Variants in APLP1 observed in about 807,000 individuals in gnomAD.
The protein encoded by APLP1 is amyloid beta precursor like protein 1, also known as amyloid beta (A4) precursor-like protein 1.
A neutral mutation model predicts 84.5 loss-of-function variants in APLP1; 46 were observed. That is an observed-to-expected ratio of 0.54 (90% CI 0.43 to 0.70). APLP1 has a LOEUF of 0.70. Ranked by LOEUF, APLP1 falls within the 30% of genes least tolerant of loss-of-function variation. The probability of loss-of-function intolerance (pLI) is 0.00; values close to 1 mark genes in which losing one functional copy is unlikely to be tolerated. For missense variants in APLP1, 826 were observed against 900.2 expected (o/e 0.92, Z 1.05); for synonymous variants, 376 against 364.0 (o/e 1.03, Z -0.38).
rs752685508 is a variant in APLP1 at position 35,874,583 on chromosome 19, G to A, written c.1136G>A (p.Arg379His). The A allele has an allele frequency of 9.3e-6, 15 of 1,614,168 alleles. No individual in the cohort carries two copies. The highest frequency in any genetic ancestry group is 1.2e-5 in the Non-Finnish European group (14 of 1,180,050). Residue 379 changes from arginine to histidine, a missense_variant, in exon 9 of 17, where the codon CGC becomes CAC. Arg to His is a conservative substitution (Grantham distance 29). This residue lies in a region of APLP1 where 433 missense variants were observed against 496.5 expected (regional missense o/e 0.87). Coordinates refer to ENST00000221891, the MANE Select transcript of APLP1 (RefSeq NM_001024807.3). The surrounding 1 kb of genome is among the most constrained non-coding windows in gnomAD (Gnocchi z 6.4). ...CGCCTGGTGGAAACCCACGCCACCC[G>A]CGTCATCGCCCTTATCAACGACCAG... is the stretch of plus-strand genomic sequence containing the variant. ...RQRLVETHAT[R>H]VIALINDQRR...
chr19:35,871,377 G>A (rs1974142397), intron 4 of APLP1, 28 bp downstream of exon 4: 2 of 1,556,362 alleles, frequency 1.3e-6, no homozygotes, highest in Admixed American at 1.8e-5. Flanking sequence ...CCCGTCCCCA[G>A]CCCCCACAAC....
At chr19:35,878,548 GAAAAA>G in intron 13 of APLP1, 31 bp from the exon 14 acceptor site, 1 of 1,226,962 alleles carries the variant, frequency 8.2e-7, no homozygotes. Flanking sequence ...TCTGTCTAAA[GAAAAA>G]AAAAAAGAAT....
Position 35,868,684 on chromosome 19 carries a change from C to T in APLP1, c.48C>T (p.Gly16=). 1.4e-6 allele frequency: 2 copies of T among 1,408,488 alleles called. No homozygotes were observed. Among genetic ancestry groups the T allele is most frequent in the East Asian group, 3.1e-5 (1 of 32,580 alleles). The allele number at this position is 1,408,488 out of a possible 1,614,324, so 87.2% of individuals were successfully genotyped here. Reference sequence around the variant, plus strand: ...CTCGCGGTCTAAGTCGCCGCCCGGGCCAGCCGCCGCTGCCGCTGCTGCTGC... The same window carrying T: ...CTCGCGGTCTAAGTCGCCGCCCGGGTCAGCCGCCGCTGCCGCTGCTGCTGC... The part of the protein sequence containing the change: ...PAARGLSRRP[G]QPPLPLLLPL... Residue 16 remains glycine (G), a synonymous_variant, in exon 1 of 17, where the codon GGC becomes GGT. Transcript: ENST00000221891. This position sits in a 1 kb window ranked among gnomAD's most constrained non-coding sequence, Gnocchi z 5.2.
In APLP1 at chr19:35,874,367, C is replaced by A; in HGVS notation, c.1057-137C>A. 9.3e-7 allele frequency: 1 copy of A among 1,075,930 alleles called. No individual in the cohort carries two copies. The allele number at this position is 1,075,930 out of a possible 1,614,324, so 66.6% of individuals were successfully genotyped here. On this transcript the variant is annotated intron_variant, in intron 8 of 16. Transcript: ENST00000221891. This position sits in a 1 kb window ranked among gnomAD's most constrained non-coding sequence, Gnocchi z 6.4. Reference sequence around the variant, plus strand: ...GCCCTGTAGCCCACCCCTTCCAGTCCATAACCTTTGGTTCTGCCCAGGCCT... The same window carrying A: ...GCCCTGTAGCCCACCCCTTCCAGTCAATAACCTTTGGTTCTGCCCAGGCCT...
intron 1 of APLP1, 28 bp from the exon 2 acceptor site, chr19:35,869,639 C>G (rs375866755): frequency 2.9e-4 from 464 of 1,608,636 alleles, no homozygotes; most frequent in Non-Finnish European, 3.4e-4. Context: ...CCCCCCGAGC[C>G]CTCACTGTCC....
chr19:35,878,225 T>C (rs1974327647), intron 13 of APLP1, 117 bp downstream of exon 13: 2 of 1,154,624 alleles, frequency 1.7e-6, no homozygotes, highest in Non-Finnish European at 1.2e-6. Context: ...TTGATGTACT[T>C]TCCAGCCCCC....
At chr19:35,878,803 G>C (rs1974339728) in intron 14 of APLP1, 87 bp from the exon 15 acceptor site, 3 of 1,567,650 alleles carry the variant, frequency 1.9e-6, no homozygotes, top group African/African-American at 1.4e-5. Flanking sequence ...TAGAAAATGA[G>C]AGGGCTGGGG....
At chr19:35,877,054 A>G (rs2146913324) in intron 11 of APLP1, among the ~76,000 whole-genome samples, 1 of 152,300 alleles carries the variant, frequency 6.6e-6, no homozygotes, top group East Asian at 1.9e-4. Context: ...TCTATTTGTT[A>G]AAGCAAGTTA....
rs1321976769 is a variant in APLP1 at position 35,877,843 on chromosome 19, T to C, written c.1552+18T>C. On this transcript the variant is annotated intron_variant, in intron 12 of 16. Coordinates refer to ENST00000221891, the MANE Select transcript of APLP1 (RefSeq NM_001024807.3). ...CAAGGATGGTGAGTGAGCCCACATA[T>C]AGATGACCCCAGACATTAGGGAACA... 1.9e-6 allele frequency: 3 copies of C among 1,591,552 alleles called. No individual in the cohort carries two copies. Among genetic ancestry groups the C allele is most frequent in the African/African-American group, 1.4e-5 (1 of 73,912 alleles).
rs1476038498 is a variant in APLP1 at position 35,876,517 on chromosome 19, G to A, written c.1345G>A (p.Val449Met). The A allele has an allele frequency of 1.9e-6, 3 of 1,613,624 alleles. No homozygotes were observed. Among genetic ancestry groups the A allele is most frequent in the Admixed American group, 1.7e-5 (1 of 59,976 alleles). Residue 449 changes from valine (V) to methionine (M), a missense_variant and splice_region_variant, in exon 11 of 17, where the codon GTG (valine) becomes ATG (methionine). Val to Met is a conservative substitution (Grantham distance 21). Around this residue, in one of 3 missense-constraint regions of APLP1, gnomAD observed 433 missense variants for 496.5 expected, o/e 0.87. Coordinates refer to ENST00000221891, the MANE Select transcript of APLP1 (RefSeq NM_001024807.3). ...PEKAQQMRFQ[V>M]HTHLQVIEER... ...ATCCTTCATGTCCACTCACCCACAG[G>A]TGCATACCCACCTTCAAGTGATTGA... is the stretch of plus-strand genomic sequence containing the variant.
chr19:35,871,800 GA>G, intron 5 of APLP1, 55 bp downstream of exon 5: 6 of 1,613,270 alleles, frequency 3.7e-6, no homozygotes, highest in Non-Finnish European at 5.1e-6. Context: ...GCAGGGGATG[GA>G]AGCCTGGGAG....
Position 35,876,517 on chromosome 19 carries a change from G to T in APLP1, c.1345G>T (p.Val449Leu). The T allele has an allele frequency of 6.2e-7, 1 of 1,613,624 alleles. No individual in the cohort carries two copies. Residue 449 changes from valine (V) to leucine (L), a missense_variant and splice_region_variant, in exon 11 of 17, where the codon GTG (valine) becomes TTG (leucine). Val to Leu is a conservative substitution (Grantham distance 32). This residue lies in a region of APLP1 where 433 missense variants were observed against 496.5 expected (regional missense o/e 0.87). Transcript: ENST00000221891. ...PEKAQQMRFQ[V>L]HTHLQVIEER... ...ATCCTTCATGTCCACTCACCCACAG[G>T]TGCATACCCACCTTCAAGTGATTGA...
rs1465399210 is a variant in APLP1, at chr19:35,876,549, G to C, written c.1377G>C (p.Arg459Ser). The stretch of plus-strand genomic sequence containing the variant: ...CCCACCTTCAAGTGATTGAGGAGAG[G>C]GTGAATCAGAGCCTGGGCCTGCTTG... ...VHTHLQVIEE[R>S]VNQSLGLLDQ... Residue 459 changes from arginine to serine, a missense_variant, in exon 11 of 17, where the codon AGG becomes AGC. By Grantham distance (110) the Arg-to-Ser change is moderately radical (BLOSUM62 -1). Around this residue, in one of 3 missense-constraint regions of APLP1, gnomAD observed 433 missense variants for 496.5 expected, o/e 0.87. Coordinates refer to ENST00000221891, the MANE Select transcript of APLP1 (RefSeq NM_001024807.3). 6.2e-7 allele frequency: 1 copy of C among 1,613,848 alleles called. No individual in the cohort carries two copies. Among genetic ancestry groups the C allele is most frequent in the Non-Finnish European group, 8.5e-7 (1 of 1,179,902 alleles).
intron 2 of APLP1, chr19:35,870,468 T>G (rs1974114638): frequency 5.4e-6 from 1 of 184,196 alleles, no homozygotes; most frequent in Admixed American, 5.6e-5. Context: ...GGAAGCGATG[T>G]CCTCATGAAT....
chr19:35,875,133 G>A (rs1192113952), intron 10 of APLP1, among the ~76,000 whole-genome samples: 1 of 148,894 alleles, frequency 6.7e-6, no homozygotes, highest in East Asian at 2.0e-4. Context: ...CTGTCCCTTG[G>A]ATTTTCACTG....
At chr19:35,869,156 C>T in intron 1 of APLP1, 1 of 323,366 alleles carries the variant, frequency 3.1e-6, no homozygotes, top group African/African-American at 2.2e-5. Flanking sequence ...CATATGGAGG[C>T]CCTTGCAGCC....
intron 14 of APLP1, 80 bp downstream of exon 14, chr19:35,878,734 G>C: frequency 8.9e-6 from 14 of 1,564,734 alleles, no homozygotes; most frequent in Non-Finnish European, 1.2e-5. Flanking sequence ...AGGAGATGCT[G>C]GGGGCTTGGA....
At chr19:35,875,743 G>A (rs1974268489) in intron 10 of APLP1, among the ~76,000 whole-genome samples, 1 of 152,048 alleles carries the variant, frequency 6.6e-6, no homozygotes, top group Non-Finnish European at 1.5e-5. Context: ...TTACAGGCGT[G>A]AGCCACCATG....
rs773821713 is a variant in APLP1, at chr19:35,874,611, C to A, written c.1164C>A (p.Arg388=). The stretch of plus-strand genomic sequence containing the variant: ...TCATCGCCCTTATCAACGACCAGCG[C>A]CGGGCTGCCTTGGAGGGCTTCCTGG... ...TRVIALINDQ[R]RAALEGFLAA... Residue 388 remains arginine (R), a synonymous_variant, in exon 9 of 17, where the codon CGC becomes CGA. Transcript: ENST00000221891. This position sits in a 1 kb window ranked among gnomAD's most constrained non-coding sequence, Gnocchi z 6.4. 11 of 1,614,000 alleles carry A rather than the reference C, an allele frequency of 6.8e-6. No homozygotes were observed. Among genetic ancestry groups the A allele is most frequent in the East Asian group, 2.2e-5 (1 of 44,886 alleles).
Sources: gnomAD v4.1 joint callset for allele counts (sites outside exome capture counted in the v4.1 genomes callset) on GRCh38, gnomAD v4.1.1 for gene constraint, gnomAD v4.1.1 regional missense constraint, Gnocchi (gnomAD v3.1) non-coding constraint, MANE v1.5 for transcripts, NCBI Gene and HGNC (gene_info 2026-07-23, HGNC 2026-07-21) for gene names.